Variants in CMSS1 observed in about 807,000 individuals in gnomAD.
CMSS1 encodes protein CMSS1.
In CMSS1, 33 loss-of-function variants were observed where a neutral mutation model predicts 43.5. That is an observed-to-expected ratio of 0.76 (90% CI 0.57 to 1.01). CMSS1 has a LOEUF of 1.01. CMSS1 is among the 50% of genes least tolerant of loss of function. The pLI is 0.00. For synonymous variants in CMSS1, 115 were observed against 117.2 expected (o/e 0.98, Z 0.12); for missense variants, 313 against 326.4 (o/e 0.96, Z 0.32).
intron 1 of CMSS1, among the ~76,000 whole-genome samples, chr3:99,841,369 A>T (rs1559651742): frequency 6.6e-6 from 1 of 152,218 alleles, no homozygotes; most frequent in South Asian, 2.1e-4. Flanking sequence ...AAAATAATGT[A>T]GATAACCAAC....
At chr3:100,108,446 C>CTT (rs2066431014) in intron 1 of CMSS1, among the ~76,000 whole-genome samples, 1 of 152,098 alleles carries the variant, frequency 6.6e-6, no homozygotes, top group Non-Finnish European at 1.5e-5. Flanking sequence ...AAACATGAGG[C>CTT]TTTAGAGGGT....
intron 1 of CMSS1, among the ~76,000 whole-genome samples, chr3:100,140,836 G>T (rs1479609457): frequency 1.3e-5 from 2 of 151,740 alleles, no homozygotes; most frequent in Non-Finnish European, 2.9e-5. Context: ...GGATATGAAA[G>T]AAGTTATTTT....
chr3:99,828,076 A>G (rs1942569777), intron 1 of CMSS1, among the ~76,000 whole-genome samples: 1 of 151,966 alleles, frequency 6.6e-6, no homozygotes, highest in Non-Finnish European at 1.5e-5. Context: ...TCAGAGTAAA[A>G]TTTTTCCCAA....
intron 1 of CMSS1, among the ~76,000 whole-genome samples, chr3:100,035,207 G>A (rs2065086210): frequency 6.6e-6 from 1 of 152,150 alleles, no homozygotes; most frequent in African/African-American, 2.4e-5. Flanking sequence ...TGAACCAAAT[G>A]TATTTTAAAC....
At chr3:99,959,504 G>T (rs1390228853) in intron 1 of CMSS1, among the ~76,000 whole-genome samples, 1 of 152,076 alleles carries the variant, frequency 6.6e-6, no homozygotes, top group East Asian at 1.9e-4. Context: ...AAAAGAAGAG[G>T]AATTAAGTCA....
intron 1 of CMSS1, among the ~76,000 whole-genome samples, chr3:99,951,200 C>T (rs1301832936): frequency 6.6e-6 from 1 of 152,244 alleles, no homozygotes; most frequent in Non-Finnish European, 1.5e-5. Flanking sequence ...CTTCAGCCCT[C>T]AGCTGATACT....
intron 1 of CMSS1, among the ~76,000 whole-genome samples, chr3:99,990,075 GTGTT>G (rs1399498212): frequency 4.6e-5 from 7 of 152,118 alleles, no homozygotes; most frequent in Non-Finnish European, 8.8e-5. Flanking sequence ...TTGCCGCTTT[GTGTT>G]TGTTTGAGAA....
At chr3:99,825,088 A>G (rs1942512450) in intron 1 of CMSS1, among the ~76,000 whole-genome samples, 1 of 152,204 alleles carries the variant, frequency 6.6e-6, no homozygotes, top group African/African-American at 2.4e-5. Flanking sequence ...TTACATATAG[A>G]CAGTCTTGCA....
chr3:99,872,983 G>A (rs543751427), intron 1 of CMSS1, among the ~76,000 whole-genome samples: 2 of 152,042 alleles, frequency 1.3e-5, no homozygotes, highest in African/African-American at 4.8e-5. Flanking sequence ...AATCTGCTAG[G>A]AATTAGTGTA....
intron 1 of CMSS1, among the ~76,000 whole-genome samples, chr3:99,862,866 A>G (rs1383151796): frequency 1.3e-5 from 2 of 152,214 alleles, no homozygotes; most frequent in African/African-American, 2.4e-5. Flanking sequence ...CCTTCCTGGA[A>G]GAGAATGATG....
intron 1 of CMSS1, among the ~76,000 whole-genome samples, chr3:99,836,003 C>T (rs899412926): frequency 1.3e-5 from 2 of 151,978 alleles, no homozygotes; most frequent in Admixed American, 1.3e-4. Context: ...GAGGGTATGT[C>T]CAGAGTTTCA....
At chr3:100,074,227 T>C (rs1040609953) in intron 1 of CMSS1, among the ~76,000 whole-genome samples, 1 of 152,220 alleles carries the variant, frequency 6.6e-6, no homozygotes, top group Non-Finnish European at 1.5e-5. Flanking sequence ...ACAGCCCCCC[T>C]GGGCCTCCAG....
chr3:99,862,965 C>T (rs1171474553), intron 1 of CMSS1, among the ~76,000 whole-genome samples: 3 of 152,154 alleles, frequency 2.0e-5, no homozygotes, highest in East Asian at 3.8e-4. Flanking sequence ...ATGCTCTGCT[C>T]ATCTTACTCC....
chr3:99,930,867 T>A (rs372946403), intron 1 of CMSS1: 2 of 1,613,186 alleles, frequency 1.2e-6, no homozygotes. Flanking sequence ...TTCTCTGCCT[T>A]GGGACACGGA....
intron 1 of CMSS1, among the ~76,000 whole-genome samples, chr3:100,081,888 C>T (rs1049095792): frequency 5.3e-5 from 8 of 152,118 alleles, no homozygotes; most frequent in Admixed American, 1.3e-4. Flanking sequence ...TAGCACCCTC[C>T]GAGTTGTGAC....
intron 1 of CMSS1, among the ~76,000 whole-genome samples, chr3:99,963,393 A>G (rs957337643): frequency 2.0e-5 from 3 of 152,292 alleles, no homozygotes; most frequent in Admixed American, 2.0e-4. Flanking sequence ...ATAGGAAAAG[A>G]AGTAAAAATA....
intron 1 of CMSS1, among the ~76,000 whole-genome samples, chr3:99,980,913 C>A (rs1452166165): frequency 1.3e-5 from 2 of 152,070 alleles, no homozygotes; most frequent in Non-Finnish European, 2.9e-5. Flanking sequence ...TACTTGAAAC[C>A]CTTCAATACT....
At chr3:100,011,917 TC>T (rs1710167656) in intron 1 of CMSS1, among the ~76,000 whole-genome samples, 1 of 152,218 alleles carries the variant, frequency 6.6e-6, no homozygotes, top group Non-Finnish European at 1.5e-5. Flanking sequence ...ATAGAGAACT[TC>T]CACTTTTAGT....
chr3:99,876,301 C>G, intron 1 of CMSS1: 1 of 677,924 alleles, frequency 1.5e-6, no homozygotes, highest in Non-Finnish European at 1.8e-6. Flanking sequence ...GCGGCGGCGG[C>G]GCAGCCACAC....
Sources: allele counts gnomAD v4.1 joint callset (sites outside exome capture counted in the v4.1 genomes callset), GRCh38; gene constraint gnomAD v4.1.1; transcripts MANE v1.5; gene names NCBI Gene and HGNC (gene_info 2026-07-23, HGNC 2026-07-21).